The following SAMD3 variants were observed in gnomAD, a reference collection of about 807,000 sequenced individuals.
The protein encoded by SAMD3 is sterile alpha motif domain containing 3, also known as sterile alpha motif domain-containing protein 3.
Under a neutral mutation model 58.5 loss-of-function variants are expected in SAMD3, and 63 were observed. That is an observed-to-expected ratio of 1.08 (90% CI 0.88 to 1.33). The LOEUF is 1.33. SAMD3 is among the 40% of genes most tolerant of loss of function. The pLI is 0.00. For synonymous variants in SAMD3, 220 were observed against 210.3 expected, an observed-to-expected ratio of 1.05 and a Z score of -0.40; for missense variants, 604 against 608.4, an observed-to-expected ratio of 0.99 and a Z score of 0.08.
In SAMD3 at chr6:130,175,980, C is replaced by T. The variant is rs772791075; in HGVS notation, c.683G>A (p.Arg228His). Residue 228 changes from arginine (R) to histidine (H), a missense_variant, in exon 8 of 12, where the codon CGC (arginine) becomes CAC (histidine). Coordinates refer to ENST00000439090, the MANE Select transcript of SAMD3 (RefSeq NM_001017373.4). ...TATGGGTCTTCGAACATATTTAAAG[C>T]GATCTTTGAGGGCTCGTTTCCATAA... Reference protein sequence around the residue: ...FFLWKRALKDRFKYVRRPIED... With the variant: ...FFLWKRALKDHFKYVRRPIED... 2.4e-5 allele frequency: 38 copies of T among 1,612,712 alleles called. No homozygotes were observed. Among genetic ancestry groups the T allele is most frequent in the South Asian group, 1.1e-4 (10 of 90,762 alleles).
chr6:130,318,060 G>A (rs1296008254), intron 1 of SAMD3, among the ~76,000 whole-genome samples: 1 of 152,156 alleles, frequency 6.6e-6, no homozygotes, highest in Non-Finnish European at 1.5e-5. Context: ...ACACATGCAT[G>A]TTAGGAAACC....
intron 8 of SAMD3, among the ~76,000 whole-genome samples, chr6:130,163,125 A>C (rs1562382961): frequency 6.6e-6 from 1 of 151,972 alleles, no homozygotes; most frequent in Non-Finnish European, 1.5e-5. Context: ...AAGTGCAAAC[A>C]CTGTATTTCA....
intron 5 of SAMD3, among the ~76,000 whole-genome samples, chr6:130,204,049 C>T (rs1399432131): frequency 6.7e-6 from 1 of 149,682 alleles, no homozygotes; most frequent in Non-Finnish European, 1.5e-5. Context: ...AGTGGCCAGA[C>T]CGAAAAAAAA....
At chr6:130,269,405 T>C (rs1186501828) in intron 2 of SAMD3, among the ~76,000 whole-genome samples, 1 of 152,224 alleles carries the variant, frequency 6.6e-6, no homozygotes, top group African/African-American at 2.4e-5. Context: ...GTTATGGGAC[T>C]ACTCAGATTA....
chr6:130,202,411 C>T (rs1378020044), intron 5 of SAMD3, among the ~76,000 whole-genome samples: 1 of 152,158 alleles, frequency 6.6e-6, no homozygotes, highest in African/African-American at 2.4e-5. Flanking sequence ...CTATTTTTCT[C>T]CTTACATTAG....
intron 9 of SAMD3, among the ~76,000 whole-genome samples, chr6:130,150,040 A>C (rs1005385780): frequency 6.6e-6 from 1 of 152,108 alleles, no homozygotes; most frequent in Non-Finnish European, 1.5e-5. Flanking sequence ...GCCTACGCAC[A>C]TGGTGATGTT....
At chr6:130,336,799 A>G (rs918190851) in intron 1 of SAMD3, among the ~76,000 whole-genome samples, 39 of 152,202 alleles carry the variant, frequency 2.6e-4, no homozygotes, top group African/African-American at 7.7e-4. Context: ...CAACCCTTCC[A>G]TTCAAGATGT....
At chr6:130,292,995 T>C (rs1222045176) in intron 2 of SAMD3, among the ~76,000 whole-genome samples, 1 of 152,246 alleles carries the variant, frequency 6.6e-6, no homozygotes, top group Non-Finnish European at 1.5e-5. Context: ...TCAGTTACAA[T>C]GAAAGCTGTT....
At chr6:130,185,627 A>G (rs1792881798) in intron 5 of SAMD3, among the ~76,000 whole-genome samples, 1 of 142,824 alleles carries the variant, frequency 7.0e-6, no homozygotes. Flanking sequence ...GCATCTGCCC[A>G]ATTTTTTTTT....
At chr6:130,291,559 G>A (rs1053495587) in intron 2 of SAMD3, among the ~76,000 whole-genome samples, 1 of 152,168 alleles carries the variant, frequency 6.6e-6, no homozygotes, top group African/African-American at 2.4e-5. Context: ...TTAATATCAT[G>A]TGAAGTTATT....
chr6:130,249,781 A>T (rs1368072543), intron 2 of SAMD3, among the ~76,000 whole-genome samples: 1 of 152,200 alleles, frequency 6.6e-6, no homozygotes, highest in Non-Finnish European at 1.5e-5. Flanking sequence ...GTTCTTTATC[A>T]AAAGAGCCTT....
chr6:130,302,041 A>C (rs1025164842), intron 2 of SAMD3, among the ~76,000 whole-genome samples: 1 of 152,204 alleles, frequency 6.6e-6, no homozygotes, highest in Admixed American at 6.5e-5. Context: ...ATTTATGACT[A>C]AGACCTGAAT....
At chr6:130,201,418 C>T (rs1451405505) in intron 5 of SAMD3, among the ~76,000 whole-genome samples, 1 of 152,176 alleles carries the variant, frequency 6.6e-6, no homozygotes, top group Admixed American at 6.5e-5. Context: ...TAGAACAGCA[C>T]TGGAATTAAG....
intron 2 of SAMD3, among the ~76,000 whole-genome samples, chr6:130,247,335 T>G (rs927407015): frequency 6.6e-6 from 1 of 152,036 alleles, no homozygotes; most frequent in South Asian, 2.1e-4. Flanking sequence ...CGAAGTATGG[T>G]GCACACCTGT....
intron 2 of SAMD3, among the ~76,000 whole-genome samples, chr6:130,312,577 T>C (rs867981254): frequency 1.3e-5 from 2 of 152,206 alleles, no homozygotes; most frequent in Non-Finnish European, 2.9e-5. Context: ...CATCAAGTTA[T>C]TCTCGTTTTA....
At chr6:130,245,549 T>G (rs530814218) in intron 2 of SAMD3, among the ~76,000 whole-genome samples, 2 of 152,332 alleles carry the variant, frequency 1.3e-5, no homozygotes, top group Admixed American at 6.5e-5. Flanking sequence ...GGACAAACAC[T>G]GCTATTGCAC....
Position 130,317,037 on chromosome 6 carries a change from G to T in SAMD3, c.-303-3944C>A, listed in dbSNP as rs1274627945. Among the ~76,000 whole-genome samples, 3 of 152,174 alleles carry T rather than the reference G, an allele frequency of 2.0e-5. No individual in the cohort carries two copies. In the East Asian group the frequency reaches 5.8e-4, roughly 29 times the overall value. On this transcript the variant is annotated intron_variant, in intron 1 of 13. Transcript: ENST00000368134. ...CAGGCCTTCTGACTCCTGGTCTGTG[G>T]ATTTTTAGAATTTAATGCAGATGGA... is the stretch of plus-strand genomic sequence containing the variant.
chr6:130,353,885 A>G (rs186332257), intron 1 of SAMD3, among the ~76,000 whole-genome samples: 14 of 152,360 alleles, frequency 9.2e-5, no homozygotes, highest in African/African-American at 3.4e-4. Flanking sequence ...TAAACAGACA[A>G]TCTACAGAAG....
intron 2 of SAMD3, among the ~76,000 whole-genome samples, chr6:130,242,439 T>C (rs1562476778): frequency 1.3e-5 from 2 of 152,346 alleles, no homozygotes; most frequent in East Asian, 3.9e-4. Context: ...AAGTTCTTGT[T>C]TTCTAGAACT....
Sources: allele counts gnomAD v4.1 joint callset (sites outside exome capture counted in the v4.1 genomes callset), GRCh38; gene constraint gnomAD v4.1.1; transcripts MANE v1.5; gene names NCBI Gene and HGNC (gene_info 2026-07-23, HGNC 2026-07-21).